The following KIF16B variants were observed in gnomAD, a reference collection of about 807,000 sequenced individuals.
KIF16B encodes the protein kinesin-like protein KIF16B.
KIF16B carries 98 observed loss-of-function variants against 156.3 expected under a neutral mutation model. The observed-to-expected ratio is 0.63, with a 90% CI of 0.53 to 0.74. The LOEUF is 0.74. Among genes scored for constraint, KIF16B ranks in the 30% least tolerant of loss-of-function variants. The probability of loss-of-function intolerance (pLI) is 0.00; values close to 1 mark genes in which losing one functional copy is unlikely to be tolerated. For missense variants in KIF16B, 1,421 were observed against 1,606.5 expected (o/e 0.88, Z 1.97); for synonymous variants, 564 against 583.7 (o/e 0.97, Z 0.49).
At position 16,273,196 on chromosome 20, in the gene KIF16B, C is replaced by A; in HGVS notation, c.*57G>T. 2.0e-6 allele frequency: 3 copies of A among 1,491,870 alleles called. No homozygotes were observed. The highest frequency in any genetic ancestry group is 1.9e-6 in the Non-Finnish European group (2 of 1,074,116). The allele number at this position is 1,491,870 out of a possible 1,614,324, so 92.4% of individuals were successfully genotyped here. On this transcript the variant is annotated 3_prime_UTR_variant, in exon 26 of 26. Transcript: ENST00000354981. The stretch of plus-strand genomic sequence containing the variant: ...CTCGCATGGGGGAGCTGCCCTGCAT[C>A]GGAGCCCGCTTCGACGAGAAGGCAC...
chr20:16,546,290 G>A (rs1177957651), intron 1 of KIF16B, among the ~76,000 whole-genome samples: 1 of 152,146 alleles, frequency 6.6e-6, no homozygotes, highest in African/African-American at 2.4e-5. Flanking sequence ...CTGCACTGAT[G>A]TACAATTTTT....
At chr20:16,467,385 C>T (rs11906073) in intron 12 of KIF16B, among the ~76,000 whole-genome samples, 3,412 of 152,258 alleles carry the variant, frequency 0.022, 85 homozygotes, top group South Asian at 0.071. Flanking sequence ...TGCCCAAACA[C>T]TTACAAGGCA....
intron 12 of KIF16B, among the ~76,000 whole-genome samples, chr20:16,481,679 C>T (rs1263242904): frequency 6.6e-6 from 1 of 152,104 alleles, no homozygotes; most frequent in East Asian, 1.9e-4. Context: ...TGTACTGGAC[C>T]TAGAGGAAAA....
At chr20:16,481,575 G>A (rs1035802143) in intron 12 of KIF16B, among the ~76,000 whole-genome samples, 1 of 152,184 alleles carries the variant, frequency 6.6e-6, no homozygotes, top group Non-Finnish European at 1.5e-5. Context: ...GAAGTGTCAC[G>A]TCAAATTCTG....
chr20:16,333,032 T>C (rs568785130), intron 24 of KIF16B, among the ~76,000 whole-genome samples: 20 of 152,296 alleles, frequency 1.3e-4, no homozygotes, highest in Non-Finnish European at 2.4e-4. Context: ...CTTAATACTG[T>C]CCAGTGGCTT....
chr20:16,496,276 T>A (rs2068449663), intron 11 of KIF16B, among the ~76,000 whole-genome samples: 1 of 152,220 alleles, frequency 6.6e-6, no homozygotes, highest in Non-Finnish European at 1.5e-5. Flanking sequence ...ACACAAAGCA[T>A]CCAACAATAA....
intron 23 of KIF16B, among the ~76,000 whole-genome samples, chr20:16,352,655 T>C (rs1410621644): frequency 6.6e-6 from 1 of 152,100 alleles, no homozygotes; most frequent in Non-Finnish European, 1.5e-5. Flanking sequence ...AAAATGAAAA[T>C]GGCCAGGAAG....
chr20:16,367,646 T>C (rs41306786), intron 22 of KIF16B: 4 of 1,612,536 alleles, frequency 2.5e-6, no homozygotes, highest in South Asian at 1.1e-5. Context: ...AAGTAAATCA[T>C]GTCAACCAAG....
At chr20:16,309,089 AGGGAGATCTACCC>A (rs1449079638) in intron 25 of KIF16B, among the ~76,000 whole-genome samples, 2 of 151,978 alleles carry the variant, frequency 1.3e-5, no homozygotes, top group African/African-American at 4.8e-5. Flanking sequence ...ATGGCAGTGT[AGGGAGATCTACCC>A]ACATTAGAAA....
At chr20:16,508,431 T>C (rs753548051) in intron 6 of KIF16B, among the ~76,000 whole-genome samples, 1 of 152,204 alleles carries the variant, frequency 6.6e-6, no homozygotes, top group Non-Finnish European at 1.5e-5. Context: ...ATCGGTTTCA[T>C]GGAAGGCCAT....
At chr20:16,484,271 G>A (rs563283608) in intron 12 of KIF16B, among the ~76,000 whole-genome samples, 3 of 152,326 alleles carry the variant, frequency 2.0e-5, no homozygotes, top group Admixed American at 6.5e-5. Context: ...GAACTGCAAT[G>A]GAAAATATGG....
At chr20:16,289,836 G>C (rs150014708) in intron 25 of KIF16B, among the ~76,000 whole-genome samples, 2 of 152,152 alleles carry the variant, frequency 1.3e-5, no homozygotes, top group Non-Finnish European at 1.5e-5. Context: ...GCCAGACTCC[G>C]TCTCAAAAAC....
intron 22 of KIF16B, among the ~76,000 whole-genome samples, chr20:16,366,209 T>C (rs2064663160): frequency 6.6e-6 from 1 of 152,004 alleles, no homozygotes; most frequent in African/African-American, 2.4e-5. Context: ...CCTGGGCAGA[T>C]GCAGCAGGGA....
chr20:16,554,715 G>T (rs1444927732), intron 1 of KIF16B, among the ~76,000 whole-genome samples: 1 of 152,206 alleles, frequency 6.6e-6, no homozygotes, highest in African/African-American at 2.4e-5. Context: ...AGGGAGCCCA[G>T]GCCTAGGAGC....
At chr20:16,344,529 C>A (rs1170800256) in intron 23 of KIF16B, among the ~76,000 whole-genome samples, 1 of 152,174 alleles carries the variant, frequency 6.6e-6, no homozygotes, top group Non-Finnish European at 1.5e-5. Flanking sequence ...CCAGGTTAGT[C>A]CTCCTGACAC....
intron 17 of KIF16B, among the ~76,000 whole-genome samples, chr20:16,390,706 A>G (rs1321311545): frequency 6.6e-6 from 1 of 152,212 alleles, no homozygotes; most frequent in African/African-American, 2.4e-5. Context: ...AAAGTTAAAA[A>G]TGATCCATCA....
Position 16,407,321 on chromosome 20 carries a change from A to T in KIF16B, c.1613-865T>A, listed in dbSNP as rs999703268. On this transcript the variant is annotated intron_variant, in intron 15 of 25. Coordinates refer to ENST00000354981, the MANE Select transcript of KIF16B (RefSeq NM_024704.5). Reference sequence around the variant, plus strand: ...GTGTCTTCTGAAGTCCCATCCATGTATGAGAGGCCACGTGTATGGTCCCAT... The same window carrying T: ...GTGTCTTCTGAAGTCCCATCCATGTTTGAGAGGCCACGTGTATGGTCCCAT... Among the ~76,000 whole-genome samples the T allele has an allele frequency of 5.4e-4, 82 of 152,266 alleles. 1 individual carries two copies. Among genetic ancestry groups the T allele is most frequent in the African/African-American group, 1.9e-3 (78 of 41,566 alleles).
chr20:16,495,948 C>T (rs1225576439), intron 11 of KIF16B, among the ~76,000 whole-genome samples: 1 of 152,202 alleles, frequency 6.6e-6, no homozygotes. Flanking sequence ...GCCTCAACCT[C>T]CCAAGATGCT....
intron 12 of KIF16B, among the ~76,000 whole-genome samples, chr20:16,470,751 C>T (rs990883790): frequency 3.3e-5 from 5 of 151,786 alleles, no homozygotes; most frequent in African/African-American, 7.3e-5. Context: ...CCCAACTCAG[C>T]CTCTCAAAGT....
Sources: allele counts gnomAD v4.1 joint callset (sites outside exome capture counted in the v4.1 genomes callset), GRCh38; gene constraint gnomAD v4.1.1; transcripts MANE v1.5; gene names NCBI Gene and HGNC (gene_info 2026-07-23, HGNC 2026-07-21).